Variants in CTNNA2 observed in about 807,000 individuals in gnomAD.
The protein encoded by CTNNA2 is catenin alpha 2, also known as catenin alpha-2.
Under a neutral mutation model 101.0 loss-of-function variants are expected in CTNNA2, and 42 were observed. The observed-to-expected ratio is 0.42, with a 90% CI of 0.32 to 0.54. The LOEUF is 0.54. Among genes scored for constraint, CTNNA2 ranks in the 20% least tolerant of loss-of-function variants. The pLI is 0.14. For synonymous variants in CTNNA2, 450 were observed against 456.4 expected, an observed-to-expected ratio of 0.99 and a Z score of 0.18; for missense variants, 871 against 1,223.1, an observed-to-expected ratio of 0.71 and a Z score of 4.29.
chr2:79,723,957 T>A (rs144013390), intron 2 of CTNNA2, among the ~76,000 whole-genome samples: 189 of 152,302 alleles, frequency 1.2e-3, no homozygotes, highest in African/African-American at 4.2e-3. Flanking sequence ...ACTGCCTTGG[T>A]CTTGCGTCTG....
At chr2:79,197,930 C>T (rs190107090) in intron 1 of CTNNA2, 15 of 152,400 alleles carry the variant, frequency 9.8e-5, no homozygotes, top group Middle Eastern at 3.4e-3. Context: ...CATGCCACCA[C>T]GCCCAGCTAA....
chr2:79,931,447 G>A (rs1390228526), intron 7 of CTNNA2, among the ~76,000 whole-genome samples: 2 of 152,042 alleles, frequency 1.3e-5, no homozygotes, highest in Non-Finnish European at 2.9e-5. Context: ...CCACATATAA[G>A]TGAGGTCATG....
chr2:79,883,494 T>C (rs572862895), intron 6 of CTNNA2, among the ~76,000 whole-genome samples: 1 of 152,274 alleles, frequency 6.6e-6, no homozygotes, highest in Non-Finnish European at 1.5e-5. Flanking sequence ...TGATAATCAA[T>C]GGAAAACTCA....
chr2:79,258,736 A>G (rs1489929113), intron 2 of CTNNA2, among the ~76,000 whole-genome samples: 1 of 151,610 alleles, frequency 6.6e-6, no homozygotes, highest in African/African-American at 2.4e-5. Context: ...ACAAAGGCCA[A>G]TATTTCTACT....
chr2:79,529,146 T>G (rs1354882876), intron 1 of CTNNA2, among the ~76,000 whole-genome samples: 2 of 152,148 alleles, frequency 1.3e-5, no homozygotes, highest in Non-Finnish European at 2.9e-5. Flanking sequence ...AATGTCAGTG[T>G]AAATTTAAGG....
intron 7 of CTNNA2, among the ~76,000 whole-genome samples, chr2:80,072,987 GA>G (rs1698439583): frequency 6.6e-6 from 1 of 152,178 alleles, no homozygotes; most frequent in Non-Finnish European, 1.5e-5. Context: ...TTTTCGTGCA[GA>G]AATTAAAGGA....
rs1010560793 is a variant in CTNNA2 at position 79,724,590 on chromosome 2, C to T, written c.103-19797C>T. Among the ~76,000 whole-genome samples the T allele has an allele frequency of 5.3e-5, 8 of 151,774 alleles. No individual in the cohort carries two copies. The South Asian group carries it at 8.3e-4, about 16-fold the overall frequency. On this transcript the variant is annotated intron_variant, in intron 2 of 18. Coordinates refer to ENST00000402739, the MANE Select transcript of CTNNA2 (RefSeq NM_001282597.3). ...CAGTACTTTGGGAGGCTGAGGCGGT[C>T]GCATCAGGAGGTCAGGAGATCAAGA... is the stretch of plus-strand genomic sequence containing the variant.
At chr2:79,564,727 G>A (rs768617130) in intron 1 of CTNNA2, among the ~76,000 whole-genome samples, 3 of 152,130 alleles carry the variant, frequency 2.0e-5, no homozygotes, top group Non-Finnish European at 4.4e-5. Context: ...GGTTTATTAT[G>A]TGTGGCAAAG....
Position 79,859,025 on chromosome 2 carries a change from G to A in CTNNA2, c.465+846G>A, listed in dbSNP as rs558470878. ...AAGATGATGTAACTTAGCTGCTTGG[G>A]AATATGGCCTCTGCTTAGAGAATCC... On this transcript the variant is annotated intron_variant, in intron 4 of 18. Transcript: ENST00000402739. 2.0e-5 allele frequency among the ~76,000 whole-genome samples: 3 copies of A among 151,750 alleles called. No homozygotes were observed. In the East Asian group the frequency reaches 5.8e-4, roughly 29 times the overall value.
chr2:80,210,834 A>G (rs959996323), intron 7 of CTNNA2, among the ~76,000 whole-genome samples: 1 of 152,204 alleles, frequency 6.6e-6, no homozygotes, highest in Admixed American at 6.5e-5. Context: ...TCCCACCAAC[A>G]GTGTAAAAGT....
At chr2:79,726,919 A>G (rs1460919770) in intron 2 of CTNNA2, among the ~76,000 whole-genome samples, 3 of 152,202 alleles carry the variant, frequency 2.0e-5, no homozygotes, top group Non-Finnish European at 4.4e-5. Context: ...CTTGGCTATA[A>G]AAAGTGAGTC....
At chr2:79,480,686 G>T (rs1671099517) in intron 4 of CTNNA2, among the ~76,000 whole-genome samples, 1 of 152,072 alleles carries the variant, frequency 6.6e-6, no homozygotes, top group Non-Finnish European at 1.5e-5. Flanking sequence ...CTCACTGTGT[G>T]ATTTTCTGGT....
intron 7 of CTNNA2, among the ~76,000 whole-genome samples, chr2:80,206,258 A>C (rs1707525669): frequency 6.6e-6 from 1 of 152,226 alleles, no homozygotes; most frequent in Non-Finnish European, 1.5e-5. Context: ...TTAGAACACC[A>C]TTGTGTTCCC....
chr2:80,511,283 T>C (rs1688683552), intron 9 of CTNNA2, among the ~76,000 whole-genome samples: 1 of 152,232 alleles, frequency 6.6e-6, no homozygotes, highest in South Asian at 2.1e-4. Flanking sequence ...GAGATATTTT[T>C]CCAGGATAAT....
intron 4 of CTNNA2, among the ~76,000 whole-genome samples, chr2:79,485,331 A>T (rs1050976844): frequency 3.9e-5 from 6 of 152,320 alleles, no homozygotes; most frequent in African/African-American, 1.4e-4. Flanking sequence ...CTAAAGGGAT[A>T]CCAAGAAATC....
At chr2:79,893,895 G>T (rs1211263411) in intron 6 of CTNNA2, among the ~76,000 whole-genome samples, 1 of 152,084 alleles carries the variant, frequency 6.6e-6, no homozygotes, top group East Asian at 1.9e-4. Flanking sequence ...CATCTGTTTA[G>T]CTGTGTATGT....
chr2:80,375,441 G>T lies in CTNNA2; in HGVS notation c.1057-17770G>T, dbSNP rs527849717. On this transcript the variant is annotated intron_variant, in intron 7 of 18. Coordinates refer to ENST00000402739, the MANE Select transcript of CTNNA2 (RefSeq NM_001282597.3). The stretch of plus-strand genomic sequence containing the variant: ...GAAACTTTGAGCTTGGCACCAGTCT[G>T]GCTTCTGTACAGGTAATGAAAAGAC... 2.4e-4 allele frequency among the ~76,000 whole-genome samples: 36 copies of T among 152,244 alleles called. 1 individual carries two copies. The South Asian group carries it at 5.6e-3, about 24-fold the overall frequency.
chr2:80,521,814 T>A (rs896729433), intron 9 of CTNNA2, among the ~76,000 whole-genome samples: 4 of 152,206 alleles, frequency 2.6e-5, no homozygotes, highest in African/African-American at 9.6e-5. Flanking sequence ...AATTTTGTGA[T>A]GTCTGAAGCC....
intron 2 of CTNNA2, among the ~76,000 whole-genome samples, chr2:79,712,029 G>T (rs1033562104): frequency 6.6e-6 from 1 of 152,092 alleles, no homozygotes; most frequent in African/African-American, 2.4e-5. Flanking sequence ...TAAAAAGAAA[G>T]AACATTATAC....
Sources: gnomAD v4.1 joint callset for allele counts (sites outside exome capture counted in the v4.1 genomes callset) on GRCh38, gnomAD v4.1.1 for gene constraint, MANE v1.5 for transcripts, NCBI Gene and HGNC (gene_info 2026-07-23, HGNC 2026-07-21) for gene names.